LRRC4C: variants seen among roughly 807,000 people sequenced by gnomAD.
The protein encoded by LRRC4C is leucine rich repeat containing 4C.
In LRRC4C, 5 loss-of-function variants were observed where a neutral mutation model predicts 33.6. The ratio of observed to expected loss-of-function variants is 0.15; its 90% CI spans 0.08 to 0.31. The LOEUF (loss-of-function observed/expected upper bound fraction) is 0.31. Ranked by LOEUF, LRRC4C falls within the 10% of genes least tolerant of loss-of-function variation. The probability of loss-of-function intolerance (pLI) is 1.00; values close to 1 mark genes in which losing one functional copy is unlikely to be tolerated. For missense variants in LRRC4C, 560 were observed against 796.7 expected, an observed-to-expected ratio of 0.70 and a Z score of 3.58; for synonymous variants, 329 against 302.0, an observed-to-expected ratio of 1.09 and a Z score of -0.93.
At position 40,218,642 on chromosome 11, in the gene LRRC4C, T is replaced by TATCTATCTATCTATCTATCTATCTATC. The variant is rs60174276; in HGVS notation, c.-96+22876_-96+22877insGATAGATAGATAGATAGATAGATAGAT. Among the ~76,000 whole-genome samples, 485 of 111,828 alleles carry TATCTATCTATCTATCTATCTATCTATC rather than the reference T, an allele frequency of 4.3e-3. 21 individuals are homozygous for TATCTATCTATCTATCTATCTATCTATC. The highest frequency in any genetic ancestry group is 6.7e-3 in the East Asian group (24 of 3,586). The allele number at this position is 111,828 out of a possible 152,430, so 73.4% of individuals were successfully genotyped here. A position where few individuals can be genotyped will look rare whatever the true frequency, so the allele number is the denominator to read the frequency against. ...TGTATGTATGTATGTATGTATCTAT[T>TATCTATCTATCTATCTATCTATCTATC]TATCTATCTATCATCTATTGCCATA... On this transcript the variant is annotated intron_variant, in intron 5 of 6. Coordinates refer to ENST00000528697, the MANE Select transcript of LRRC4C (RefSeq NM_001258419.2).
chr11:40,339,122 A>G (rs2136996367), intron 3 of LRRC4C, among the ~76,000 whole-genome samples: 2 of 152,338 alleles, frequency 1.3e-5, no homozygotes, highest in Middle Eastern at 6.8e-3. Context: ...TCTCGCAGGA[A>G]CATATTATCT....
chr11:40,476,648 G>A (rs1240085746), intron 3 of LRRC4C, among the ~76,000 whole-genome samples: 1 of 152,018 alleles, frequency 6.6e-6, no homozygotes, highest in South Asian at 2.1e-4. Flanking sequence ...CCAGCCAAGT[G>A]CACAATTTTC....
At chr11:40,270,387 C>A (rs1159934813) in intron 4 of LRRC4C, among the ~76,000 whole-genome samples, 1 of 151,982 alleles carries the variant, frequency 6.6e-6, no homozygotes, top group Non-Finnish European at 1.5e-5. Context: ...TTTCTGCTTG[C>A]ACATCTGGGT....
chr11:40,869,082 A>AT (rs11430686), intron 2 of LRRC4C, among the ~76,000 whole-genome samples: 146,181 of 152,118 alleles, frequency 0.96, 70,514 homozygotes, highest in Middle Eastern at 1. Context: ...GATTATTTCC[A>AT]TTTAGAAGTA....
At chr11:40,616,298 T>C (rs1014241160) in intron 3 of LRRC4C, among the ~76,000 whole-genome samples, 12 of 151,934 alleles carry the variant, frequency 7.9e-5, no homozygotes, top group Non-Finnish European at 1.3e-4. Flanking sequence ...AGGAACACTT[T>C]TACACTGTTG....
intron 3 of LRRC4C, among the ~76,000 whole-genome samples, chr11:40,468,761 A>G (rs1287451493): frequency 6.6e-6 from 1 of 152,236 alleles, no homozygotes; most frequent in African/African-American, 2.4e-5. Context: ...CAAACTAAGT[A>G]TTACAAAAAA....
chr11:40,559,356 T>G (rs1039348387), intron 3 of LRRC4C, among the ~76,000 whole-genome samples: 1 of 152,074 alleles, frequency 6.6e-6, no homozygotes, highest in African/African-American at 2.4e-5. Flanking sequence ...GCTAATTTTT[T>G]GTACTTTTGG....
chr11:41,306,309 C>A (rs752967780), intron 1 of LRRC4C, among the ~76,000 whole-genome samples: 1 of 152,210 alleles, frequency 6.6e-6, no homozygotes, highest in Non-Finnish European at 1.5e-5. Context: ...ATCTTTGTCT[C>A]ACCTTCAGTA....
At chr11:41,239,725 A>G (rs1163650869) in intron 1 of LRRC4C, among the ~76,000 whole-genome samples, 1 of 152,206 alleles carries the variant, frequency 6.6e-6, no homozygotes, top group Non-Finnish European at 1.5e-5. Flanking sequence ...ATTCCAACAG[A>G]ACATGAGTTC....
At chr11:41,110,727 A>T (rs1403100018) in intron 1 of LRRC4C, among the ~76,000 whole-genome samples, 1 of 152,030 alleles carries the variant, frequency 6.6e-6, no homozygotes, top group African/African-American at 2.4e-5. Flanking sequence ...TTGACTCTTC[A>T]GTCACGTGAT....
At chr11:41,201,763 A>AT (rs919300618) in intron 1 of LRRC4C, among the ~76,000 whole-genome samples, 3 of 152,120 alleles carry the variant, frequency 2.0e-5, no homozygotes, top group Non-Finnish European at 2.9e-5. Flanking sequence ...TAGCATTGGC[A>AT]TTTTTTTGGA....
chr11:40,877,068 T>G (rs73472677), intron 2 of LRRC4C, among the ~76,000 whole-genome samples: 2 of 152,070 alleles, frequency 1.3e-5, no homozygotes, highest in Non-Finnish European at 2.9e-5. Context: ...TGTAAGGGCA[T>G]GTACTTTAAC....
intron 2 of LRRC4C, among the ~76,000 whole-genome samples, chr11:40,888,068 T>TTTTAGATCAACATATG (rs1257390048): frequency 6.6e-6 from 1 of 151,936 alleles, no homozygotes; most frequent in Non-Finnish European, 1.5e-5. Flanking sequence ...TCCATTTGAT[T>TTTTAGATCAACATATG]TTTAGATCAA....
At chr11:41,088,462 TC>T (rs5791419) in intron 1 of LRRC4C, among the ~76,000 whole-genome samples, 92,912 of 151,844 alleles carry the variant, frequency 0.61, 28,836 homozygotes, top group South Asian at 0.72. Context: ...TTAACCTGGC[TC>T]TTTTCCATAG....
At chr11:41,432,504 A>T (rs1216855877) in intron 1 of LRRC4C, among the ~76,000 whole-genome samples, 1 of 152,146 alleles carries the variant, frequency 6.6e-6, no homozygotes, top group African/African-American at 2.4e-5. Flanking sequence ...ATATCATGTG[A>T]TTTTAATTAA....
At chr11:40,385,407 TATGTCAA>T (rs1443226079) in intron 3 of LRRC4C, among the ~76,000 whole-genome samples, 3 of 152,222 alleles carry the variant, frequency 2.0e-5, no homozygotes, top group African/African-American at 7.2e-5. Flanking sequence ...ATCCTAAACA[TATGTCAA>T]ATGATTAGGA....
In LRRC4C at chr11:40,194,944, A is replaced by T. The variant is rs572772814; in HGVS notation, c.-96+46575T>A. 2.8e-4 allele frequency among the ~76,000 whole-genome samples: 43 copies of T among 151,514 alleles called. 1 individual carries two copies. In the South Asian group the frequency reaches 4.0e-3, roughly 14 times the overall value. On this transcript the variant is annotated intron_variant, in intron 5 of 6. Transcript: ENST00000528697. Reference sequence around the variant, plus strand: ...TCTACTTAAAAAAAAACAAACAATTAGCCGGGTGTGGTGGCGGGAGCCTGT... The same window carrying T: ...TCTACTTAAAAAAAAACAAACAATTTGCCGGGTGTGGTGGCGGGAGCCTGT...
intron 2 of LRRC4C, among the ~76,000 whole-genome samples, chr11:40,786,950 G>T (rs190125596): frequency 3.8e-4 from 58 of 152,090 alleles, no homozygotes; most frequent in African/African-American, 1.1e-3. Flanking sequence ...AAGGTTTTTG[G>T]TTCCTCCCTT....
intron 1 of LRRC4C, among the ~76,000 whole-genome samples, chr11:41,344,301 G>C (rs1316371059): frequency 6.9e-6 from 1 of 144,076 alleles, no homozygotes; most frequent in African/African-American, 2.6e-5. Flanking sequence ...GTCTCTGCTC[G>C]CTGCAACCTC....
Sources: gnomAD v4.1 joint callset for allele counts (sites outside exome capture counted in the v4.1 genomes callset) on GRCh38, gnomAD v4.1.1 for gene constraint, MANE v1.5 for transcripts, NCBI Gene and HGNC (gene_info 2026-07-23, HGNC 2026-07-21) for gene names.